The following CAPN3 variants were observed in gnomAD, a reference collection of about 807,000 sequenced individuals.
The protein encoded by CAPN3 is calpain-3.
CAPN3 carries 88 observed loss-of-function variants against 114.0 expected under a neutral mutation model. The ratio of observed to expected loss-of-function variants is 0.77; its 90% CI spans 0.65 to 0.92. The LOEUF is 0.92. Ranked by LOEUF, CAPN3 falls within the 40% of genes least tolerant of loss-of-function variation. CAPN3 has a pLI of 0.00. For missense variants in CAPN3, 1,028 were observed against 1,069.0 expected, an observed-to-expected ratio of 0.96 and a Z score of 0.53; for synonymous variants, 386 against 382.9, an observed-to-expected ratio of 1.01 and a Z score of -0.09.
intron 1 of CAPN3, among the ~76,000 whole-genome samples, chr15:42,366,122 A>G (rs962046289): frequency 6.6e-6 from 1 of 152,218 alleles, no homozygotes; most frequent in Non-Finnish European, 1.5e-5. Flanking sequence ...AAGTTGCATC[A>G]CAGTTTCAGA....
intron 1 of CAPN3, among the ~76,000 whole-genome samples, chr15:42,366,303 A>G (rs1304963575): frequency 1.3e-5 from 2 of 152,094 alleles, no homozygotes; most frequent in South Asian, 4.1e-4. Context: ...CGTGCTGTCT[A>G]TCGACATGGA....
intron 9 of CAPN3, among the ~76,000 whole-genome samples, chr15:42,398,826 C>G (rs2053783046): frequency 7.0e-6 from 1 of 142,460 alleles, no homozygotes; most frequent in South Asian, 2.3e-4. Context: ...ACTTTGTCGC[C>G]CAGGCTGGCA....
intron 1 of CAPN3, among the ~76,000 whole-genome samples, chr15:42,373,957 G>C (rs938028391): frequency 2.0e-5 from 3 of 152,280 alleles, no homozygotes; most frequent in African/African-American, 4.8e-5. Flanking sequence ...AAGCCTCTCT[G>C]TAACTATAGT....
chr15:42,380,751 A>ATATT (rs1436943739), intron 1 of CAPN3, among the ~76,000 whole-genome samples: 2 of 64,456 alleles, frequency 3.1e-5, no homozygotes, highest in African/African-American at 1.8e-4. Context: ...ATATATATAT[A>ATATT]TTTTTTTTTT....
At chr15:42,369,909 G>A (rs866779499) in intron 1 of CAPN3, among the ~76,000 whole-genome samples, 5 of 138,656 alleles carry the variant, frequency 3.6e-5, no homozygotes, top group African/African-American at 8.3e-5. Context: ...CTTTACTCTC[G>A]TTGCCCAGGC....
chr15:42,359,734 G>A lies in CAPN3; in HGVS notation c.-72G>A. ...GAATTACTCCAACTTCCCCTTTGCAGTTGCTTCCTTTCCTTGAAGGTAGCT... is the reference window on the plus strand; with the variant it reads ...GAATTACTCCAACTTCCCCTTTGCAATTGCTTCCTTTCCTTGAAGGTAGCT... On this transcript the variant is annotated 5_prime_UTR_variant, in exon 1 of 24. Coordinates refer to ENST00000397163, the MANE Select transcript of CAPN3 (RefSeq NM_000070.3). 1.9e-6 allele frequency: 3 copies of A among 1,607,134 alleles called. No individual in the cohort carries two copies. Among genetic ancestry groups the A allele is most frequent in the Non-Finnish European group, 2.5e-6 (3 of 1,178,410 alleles).
intron 1 of CAPN3, among the ~76,000 whole-genome samples, chr15:42,364,094 G>A (rs575193680): frequency 1.4e-4 from 21 of 152,320 alleles, no homozygotes; most frequent in African/African-American, 4.6e-4. Flanking sequence ...CAGGCATTGA[G>A]TGACACCCCA....
At chr15:42,377,157 A>T (rs2053111269) in intron 1 of CAPN3, among the ~76,000 whole-genome samples, 1 of 151,518 alleles carries the variant, frequency 6.6e-6, no homozygotes, top group Non-Finnish European at 1.5e-5. Flanking sequence ...TATATCTTTC[A>T]TTTCTTTTTC....
At chr15:42,404,608 C>T (rs951779705) in intron 14 of CAPN3, among the ~76,000 whole-genome samples, 14 of 152,230 alleles carry the variant, frequency 9.2e-5, no homozygotes, top group Admixed American at 5.9e-4. Context: ...GCCCAAAGTC[C>T]GAAGCACAGA....
chr15:42,402,347 C>G (rs949697492), intron 12 of CAPN3: 1 of 1,481,474 alleles, frequency 6.8e-7, no homozygotes, highest in Non-Finnish European at 8.9e-7. Context: ...CTTTCTCCCT[C>G]GCACCAGACA....
Position 42,399,485 on chromosome 15 carries a change from C to T in CAPN3, c.1194-7C>T, listed in dbSNP as rs756139485. ...ATATGGCTCTCTCTCTTCTTCCAAC[C>T]TCTCAGGATGTCCTATGAGGATTTC... On this transcript the variant is annotated splice_polypyrimidine_tract_variant and splice_region_variant and intron_variant, in intron 9 of 23. Transcript: ENST00000397163. 3.7e-6 allele frequency: 6 copies of T among 1,612,428 alleles called. No individual in the cohort carries two copies. The highest frequency in any genetic ancestry group is 5.1e-6 in the Non-Finnish European group (6 of 1,178,492).
At chr15:42,402,063 T>G in intron 11 of CAPN3, 61 bp from the exon 12 acceptor site, 1 of 1,610,390 alleles carries the variant, frequency 6.2e-7, no homozygotes, top group Non-Finnish European at 8.5e-7. Context: ...TGGCATTGCC[T>G]TCCGCAGGCT....
chr15:42,382,717 T>A (rs537098488), intron 1 of CAPN3, among the ~76,000 whole-genome samples: 53 of 152,310 alleles, frequency 3.5e-4, no homozygotes, highest in African/African-American at 1.3e-3. Flanking sequence ...TTCATAACAT[T>A]CAAGGTTCAT....
intron 1 of CAPN3, among the ~76,000 whole-genome samples, chr15:42,376,018 A>C (rs975625892): frequency 2.0e-5 from 3 of 152,166 alleles, no homozygotes; most frequent in African/African-American, 7.2e-5. Flanking sequence ...CTGTAACATA[A>C]TGACCCTCAA....
intron 1 of CAPN3, among the ~76,000 whole-genome samples, chr15:42,370,872 A>G (rs1054499610): frequency 7.2e-5 from 11 of 152,150 alleles, no homozygotes; most frequent in African/African-American, 1.7e-4. Flanking sequence ...CAATGATGTT[A>G]TGACTTCATA....
chr15:42,396,751 C>A, intron 8 of CAPN3, 49 bp from the exon 9 acceptor site: 2 of 1,431,474 alleles, frequency 1.4e-6, no homozygotes, highest in East Asian at 2.3e-5. Context: ...CAACCTACAT[C>A]AGGCCTTCCC....
chr15:42,372,796 C>T (rs1184178136), intron 1 of CAPN3, among the ~76,000 whole-genome samples: 5 of 151,656 alleles, frequency 3.3e-5, no homozygotes, highest in South Asian at 2.1e-4. Context: ...TGCAGTGAGC[C>T]GAGATCGTGC....
At chr15:42,386,101 A>T in intron 2 of CAPN3, 66 bp from the exon 3 acceptor site, 4 of 1,123,770 alleles carry the variant, frequency 3.6e-6, no homozygotes, top group Non-Finnish European at 5.4e-6. Flanking sequence ...GCTGGCTGGG[A>T]TTGGGGCTTT....
At chr15:42,402,101 C>T (rs1189684022) in intron 11 of CAPN3, 23 bp from the exon 12 acceptor site, 4 of 1,614,078 alleles carry the variant, frequency 2.5e-6, no homozygotes, top group Admixed American at 1.7e-5. Flanking sequence ...TCTGAAGCAT[C>T]TTCCTTTCTG....
Sources: allele counts gnomAD v4.1 joint callset (sites outside exome capture counted in the v4.1 genomes callset), GRCh38; gene constraint gnomAD v4.1.1; transcripts MANE v1.5; gene names NCBI Gene and HGNC (gene_info 2026-07-23, HGNC 2026-07-21).